KRT6A: variants seen among roughly 807,000 people sequenced by gnomAD.
KRT6A encodes keratin 6A, also known as keratin, type II cytoskeletal 6A.
Under a neutral mutation model 48.6 loss-of-function variants are expected in KRT6A, and 28 were observed. The observed-to-expected ratio is 0.58, with a 90% CI of 0.43 to 0.79. The LOEUF is 0.79. KRT6A is among the 30% of genes least tolerant of loss of function. The pLI is 0.00. For synonymous variants in KRT6A, 301 were observed against 294.2 expected (o/e 1.02, Z -0.24); for missense variants, 687 against 724.3 (o/e 0.95, Z 0.59).
chr12:52,489,862 A>T, intron 6 of KRT6A, 81 bp downstream of exon 6: 1 of 1,609,662 alleles, frequency 6.2e-7, no homozygotes, highest in East Asian at 2.2e-5. Flanking sequence ...GTTCCAGGGG[A>T]TTTTCCCTAA....
Position 52,493,211 on chromosome 12 carries a change from G to T in KRT6A, c.-23C>A, listed in dbSNP as rs768116028. The T allele has an allele frequency of 2.1e-5, 34 of 1,614,022 alleles. No individual in the cohort carries two copies. The highest frequency in any genetic ancestry group is 8.0e-5 in the African/African-American group (6 of 74,920). On this transcript the variant is annotated 5_prime_UTR_variant, in exon 1 of 9. Transcript: ENST00000330722. ...CATGGTTCCAGGAGATGAGAGAGCTGAGGAGAGTGTGAGAGGCTGGAGGAG... is the reference window on the plus strand; with the variant it reads ...CATGGTTCCAGGAGATGAGAGAGCTTAGGAGAGTGTGAGAGGCTGGAGGAG...
At chr12:52,490,500 A>G in intron 5 of KRT6A, 69 bp downstream of exon 5, 1 of 1,612,604 alleles carries the variant, frequency 6.2e-7, no homozygotes, top group Admixed American at 1.7e-5. Flanking sequence ...GTCCCCAGTA[A>G]AGTCTGCAGT....
At chr12:52,492,511 C>T (rs1425638185) in intron 1 of KRT6A, 138 bp downstream of exon 1, 1 of 1,495,158 alleles carries the variant, frequency 6.7e-7, no homozygotes, top group African/African-American at 1.4e-5. Context: ...TTGCTGGGCA[C>T]CAGCAGCCAT....
chr12:52,490,345 G>C, intron 5 of KRT6A: 8 of 922,032 alleles, frequency 8.7e-6, no homozygotes, highest in Non-Finnish European at 1.3e-5. Context: ...TAAATGCAGA[G>C]ATGACTATGT....
Position 52,488,411 on chromosome 12 carries a change from C to T in KRT6A, c.1341G>A (p.Glu447=), listed in dbSNP as rs963487977. 5 of 1,614,072 alleles carry T rather than the reference C, an allele frequency of 3.1e-6. No individual in the cohort carries two copies. Among genetic ancestry groups the T allele is most frequent in the Admixed American group, 1.7e-5 (1 of 60,012 alleles). The part of the protein sequence containing the change: ...AKQDLARLLK[E]YQELMNVKLA... Reference sequence around the variant, plus strand: ...GCTTGACATTCATCAGCTCCTGGTACTCCTTCAGCAGCCGGGCCAGGTCCT... The same window carrying T: ...GCTTGACATTCATCAGCTCCTGGTATTCCTTCAGCAGCCGGGCCAGGTCCT... The change falls in exon 7 of 9, where the codon GAG becomes GAA. Residue 447 remains glutamate, a synonymous_variant. Coordinates refer to ENST00000330722, the MANE Select transcript of KRT6A (RefSeq NM_005554.4).
intron 1 of KRT6A, among the ~76,000 whole-genome samples, chr12:52,492,056 A>G (rs1387243356): frequency 3.3e-5 from 5 of 152,180 alleles, no homozygotes; most frequent in Non-Finnish European, 7.3e-5. Context: ...TCATCTGATA[A>G]ATTTTACACA....
chr12:52,492,891 A>C lies in KRT6A; in HGVS notation c.298T>G (p.Phe100Val). Residue 100 changes from phenylalanine to valine, a missense_variant, in exon 1 of 9, where the codon TTT (phenylalanine) becomes GTT (valine). This residue lies in a region of KRT6A where 49 missense variants were observed against 97.3 expected (regional missense o/e 0.50). Coordinates refer to ENST00000330722, the MANE Select transcript of KRT6A (RefSeq NM_005554.4). Reference protein sequence around the residue: ...SYGFGGAGSGFGFGGGAGIGF... With the variant: ...SYGFGGAGSGVGFGGGAGIGF... ...ATGCCGGCTCCACCACCGAAACCAA[A>C]TCCACTCCCGGCGCCACCAAAGCCA... 1.9e-6 allele frequency: 3 copies of C among 1,605,750 alleles called. No individual in the cohort carries two copies. Among genetic ancestry groups the C allele is most frequent in the Non-Finnish European group, 2.6e-6 (3 of 1,176,326 alleles).
At chr12:52,490,770 C>G (rs192459714) in intron 4 of KRT6A, 37 bp from the exon 5 acceptor site, 2 of 1,613,922 alleles carry the variant, frequency 1.2e-6, no homozygotes, top group Non-Finnish European at 1.7e-6. Context: ...ACTTCACTTC[C>G]GATATTTACA....
Position 52,491,824 on chromosome 12 carries a change from T to C in KRT6A, c.541-88A>G, listed in dbSNP as rs552778626. 2.6e-4 allele frequency: 404 copies of C among 1,540,350 alleles called. No homozygotes were observed. In the African/African-American group the frequency reaches 4.7e-3, roughly 18 times the overall value. ...CGGTTTCCTGGCAGGTCCGGGAGGT[T>C]CCCATGGTGCTGGGCTACTACAGTG... On this transcript the variant is annotated intron_variant, in intron 1 of 8. Coordinates refer to ENST00000330722, the MANE Select transcript of KRT6A (RefSeq NM_005554.4).
In KRT6A at chr12:52,491,759, A is replaced by G. The variant is rs140012008; in HGVS notation, c.541-23T>C. On this transcript the variant is annotated intron_variant, in intron 1 of 8. Transcript: ENST00000330722. ...CACCTGAAAGAGAGACAAGATGATC[A>G]TTTTCCAGGCAAGGGAAGGAAGAAA... The G allele has an allele frequency of 3.4e-3, 5,483 of 1,613,940 alleles. 56 individuals carry two copies. Among genetic ancestry groups the G allele is most frequent in the African/African-American group, 0.026 (1,976 of 74,970 alleles).
rs1166075147 is a variant in KRT6A at position 52,490,606 on chromosome 12, C to T, written c.1040G>A (p.Arg347Lys). Residue 347 changes from arginine (R) to lysine (K), a missense_variant, in exon 5 of 9, where the codon AGA (arginine) becomes AAA (lysine). Physicochemically the swap from Arg to Lys is conservative, Grantham distance 26. Coordinates refer to ENST00000330722, the MANE Select transcript of KRT6A (RefSeq NM_005554.4). Reference sequence around the variant, plus strand: ...CCAGGACTCAGCCTCAGCCCGGCTTCTCTGAGCAATCTCCTCATATTGGGC... The same window carrying T: ...CCAGGACTCAGCCTCAGCCCGGCTTTTCTGAGCAATCTCCTCATATTGGGC... ...VKAQYEEIAQRSRAEAESWYQ... is the reference protein window; with the variant it reads ...VKAQYEEIAQKSRAEAESWYQ... 1 of 1,614,222 alleles carries T rather than the reference C, an allele frequency of 6.2e-7. No individual in the cohort carries two copies. Among genetic ancestry groups the T allele is most frequent in the East Asian group, 2.2e-5 (1 of 44,874 alleles).
At position 52,488,483 on chromosome 12, in the gene KRT6A, G is replaced by A. The variant is rs145246640; in HGVS notation, c.1269C>T (p.Ala423=). The change falls in exon 7 of 9, where the codon GCC becomes GCT. Residue 423 remains alanine (A), a synonymous_variant. Transcript: ENST00000330722. ...CCTCCAGCCCTTCCAGCTTGTTCTT[G>A]GCATCCTTGAGGGCCATCTCCCCAC... ...EQRGEMALKD[A]KNKLEGLEDA... is the part of the protein sequence containing the mutation. The A allele has an allele frequency of 3.7e-4, 591 of 1,614,028 alleles. 2 individuals carry two copies. The highest frequency in any genetic ancestry group is 2.0e-3 in the Admixed American group (122 of 59,996).
chr12:52,487,908 C>T lies in KRT6A; in HGVS notation c.1507G>A (p.Val503Ile), dbSNP rs1340006306. ...VSSGYGGASGVGSGLGLGGGS... is the reference protein window; with the variant it reads ...VSSGYGGASGIGSGLGLGGGS... ...CCACCCAGGCCTAAGCCACTGCCGA[C>T]ACCACTGGCACCGCCATAGCCACTG... Residue 503 changes from valine (V) to isoleucine (I), a missense_variant, in exon 9 of 9, where the codon GTC (valine) becomes ATC (isoleucine). By Grantham distance (29) the Val-to-Ile change is conservative. Around this residue, in one of 3 missense-constraint regions of KRT6A, gnomAD observed 566 missense variants for 565.3 expected, o/e 1.00. Coordinates refer to ENST00000330722, the MANE Select transcript of KRT6A (RefSeq NM_005554.4). The T allele has an allele frequency of 1.9e-6, 3 of 1,614,088 alleles. No homozygotes were observed. The highest frequency in any genetic ancestry group is 2.2e-5 in the East Asian group (1 of 44,880).
At position 52,490,069 on chromosome 12, in the gene KRT6A, C is replaced by T; in HGVS notation, c.1078-1G>A. The T allele has an allele frequency of 6.2e-7, 1 of 1,614,080 alleles. No individual in the cohort carries two copies. The stretch of plus-strand genomic sequence containing the variant: ...CTGCTGTGACCTGCAGCTCCTCGTA[C>T]TGCAGCCCAGAGGTGGAGAGAGAGA... On this transcript the variant is annotated splice_acceptor_variant, in intron 5 of 8. Coordinates refer to ENST00000330722, the MANE Select transcript of KRT6A (RefSeq NM_005554.4). LOFTEE classifies it high-confidence loss of function.
Position 52,487,492 on chromosome 12 carries a change from G to A in KRT6A, c.*228C>T. On this transcript the variant is annotated 3_prime_UTR_variant, in exon 9 of 9. Transcript: ENST00000330722. ...ATTTAGTAACAGTGAAGCTCCAGTG[G>A]TGATTACATCATGATGTAAAATCAG... The A allele has an allele frequency of 1.7e-6, 1 of 605,330 alleles. No homozygotes were observed. Among genetic ancestry groups the A allele is most frequent in the Non-Finnish European group, 2.9e-6 (1 of 340,312 alleles). The allele number at this position is 605,330 out of a possible 1,614,324, so 37.5% of individuals were successfully genotyped here. A position where few individuals can be genotyped will look rare whatever the true frequency, so the allele number is the denominator to read the frequency against.
chr12:52,488,656 G>T, intron 6 of KRT6A, 108 bp from the exon 7 acceptor site: 2 of 1,379,578 alleles, frequency 1.4e-6, no homozygotes, highest in Non-Finnish European at 2.0e-6. Context: ...AATTGATGGT[G>T]AATGAGCTCT....
chr12:52,491,692 C>T lies in KRT6A; in HGVS notation c.585G>A (p.Trp195Ter). 6.2e-7 allele frequency: 1 copy of T among 1,614,150 alleles called. No homozygotes were observed. ...EQQNKVLETK[W>*]TLLQEQGTKT... ...TGGTGCCCTGCTCCTGCAGCAGGGTCCACTTTGTTTCCAGAACCTTGTTCT... is the reference window on the plus strand; with the variant it reads ...TGGTGCCCTGCTCCTGCAGCAGGGTTCACTTTGTTTCCAGAACCTTGTTCT... Residue 195 changes from tryptophan (W) to a stop codon, truncating the protein, a stop_gained, in exon 2 of 9, where the codon TGG becomes TGA. Transcript: ENST00000330722. LOFTEE classifies it high-confidence loss of function.
Position 52,490,653 on chromosome 12 carries a change from G to A in KRT6A, c.993C>T (p.Asp331=). 5 of 1,614,224 alleles carry A rather than the reference G, an allele frequency of 3.1e-6. No homozygotes were observed. The highest frequency in any genetic ancestry group is 4.2e-6 in the Non-Finnish European group (5 of 1,180,050). The change falls in exon 5 of 9, where the codon GAC becomes GAT. Residue 331 remains aspartate, a synonymous_variant. Coordinates refer to ENST00000330722, the MANE Select transcript of KRT6A (RefSeq NM_005554.4). The stretch of plus-strand genomic sequence containing the variant: ...GGGCCTTGACCTCAGCGATGATGCT[G>A]TCCAGGTCCAGGTTGCGGTTGTTGT... The part of the protein sequence containing the change: ...SMDNNRNLDL[D]SIIAEVKAQY...
intron 8 of KRT6A, 54 bp from the exon 9 acceptor site, chr12:52,488,009 A>C: frequency 1.2e-6 from 2 of 1,614,202 alleles, no homozygotes; most frequent in East Asian, 2.2e-5. Flanking sequence ...TCATCCTGTC[A>C]GCCTGAGCCC....
Sources: allele counts gnomAD v4.1 joint callset (sites outside exome capture counted in the v4.1 genomes callset), GRCh38; gene constraint gnomAD v4.1.1; regional missense constraint gnomAD v4.1.1; transcripts MANE v1.5; gene names NCBI Gene and HGNC (gene_info 2026-07-23, HGNC 2026-07-21).